Variants in USP15 observed in about 807,000 individuals in gnomAD.
USP15 encodes ubiquitin specific peptidase 15, also known as ubiquitin carboxyl-terminal hydrolase 15.
In USP15, 18 loss-of-function variants were observed where a neutral mutation model predicts 127.1. The ratio of observed to expected loss-of-function variants is 0.14; its 90% CI spans 0.10 to 0.21. USP15 has a LOEUF of 0.21. USP15 is among the 10% of genes least tolerant of loss of function. The pLI is 1.00. For synonymous variants in USP15, 364 were observed against 393.7 expected (o/e 0.92, Z 0.89); for missense variants, 805 against 1,159.9 (o/e 0.69, Z 4.44).
At chr12:62,338,480 A>G (rs1257573571) in intron 6 of USP15, among the ~76,000 whole-genome samples, 1 of 152,020 alleles carries the variant, frequency 6.6e-6, no homozygotes, top group Non-Finnish European at 1.5e-5. Flanking sequence ...CTTTAGTTTG[A>G]TTAGATCCCA....
At chr12:62,265,224 T>C (rs896554008) in intron 1 of USP15, among the ~76,000 whole-genome samples, 1 of 152,214 alleles carries the variant, frequency 6.6e-6, no homozygotes, top group Non-Finnish European at 1.5e-5. Context: ...TTAAATGACC[T>C]TTTTGCAAAA....
chr12:62,405,773 A>C lies in USP15; in HGVS notation c.*1398A>C, dbSNP rs1200868433. 2 of 152,578 alleles carry C rather than the reference A, an allele frequency of 1.3e-5. No homozygotes were observed. The highest frequency in any genetic ancestry group is 2.9e-5 in the Non-Finnish European group (2 of 67,990). The allele number at this position is 152,578 out of a possible 1,614,324, so 9.5% of individuals were successfully genotyped here. ...CACTTGAACTAATCAAATACAATAGATTATAAATTGTGTATTGTAAATAAA... is the reference window on the plus strand; with the variant it reads ...CACTTGAACTAATCAAATACAATAGCTTATAAATTGTGTATTGTAAATAAA... On this transcript the variant is annotated 3_prime_UTR_variant, in exon 22 of 22. Transcript: ENST00000280377.
At chr12:62,273,274 A>G (rs1051634333) in intron 1 of USP15, among the ~76,000 whole-genome samples, 1 of 151,978 alleles carries the variant, frequency 6.6e-6, no homozygotes, top group Non-Finnish European at 1.5e-5. Context: ...GGCCCTCATT[A>G]TATGCTTTCA....
chr12:62,284,707 C>G (rs996343990), intron 1 of USP15, among the ~76,000 whole-genome samples: 3 of 151,912 alleles, frequency 2.0e-5, no homozygotes, highest in African/African-American at 7.3e-5. Context: ...GTGATTGAAC[C>G]TGGTTAAATG....
At chr12:62,402,274 C>G (rs908914646) in intron 21 of USP15, among the ~76,000 whole-genome samples, 2 of 151,866 alleles carry the variant, frequency 1.3e-5, no homozygotes, top group African/African-American at 4.8e-5. Flanking sequence ...ACAAAAGACT[C>G]CATTCTAAAC....
At position 62,343,349 on chromosome 12, in the gene USP15, C is replaced by T. The variant is rs138160429; in HGVS notation, c.684-5872C>T. On this transcript the variant is annotated intron_variant, in intron 6 of 21. Transcript: ENST00000280377. ...CAGTGGTTCCTAGCTTTCTGGGATC[C>T]ATGGGAGTGGGACCCGCTGAGCGAG... 2.1e-3 allele frequency among the ~76,000 whole-genome samples: 319 copies of T among 152,282 alleles called. 3 individuals are homozygous for T. Among genetic ancestry groups the T allele is most frequent in the African/African-American group, 7.3e-3 (305 of 41,558 alleles).
At chr12:62,278,074 T>A (rs2063542543) in intron 1 of USP15, among the ~76,000 whole-genome samples, 1 of 152,218 alleles carries the variant, frequency 6.6e-6, no homozygotes, top group African/African-American at 2.4e-5. Flanking sequence ...AGCTTTTTTC[T>A]ATTTCTAAAT....
At chr12:62,343,507 A>C (rs1343191677) in intron 6 of USP15, among the ~76,000 whole-genome samples, 1 of 152,160 alleles carries the variant, frequency 6.6e-6, no homozygotes, top group Non-Finnish European at 1.5e-5. Context: ...ACAGCCACCC[A>C]GTTTTGTGCT....
chr12:62,393,126 G>A lies in USP15; in HGVS notation c.2494G>A (p.Val832Ile). The A allele has an allele frequency of 6.2e-7, 1 of 1,613,852 alleles. No individual in the cohort carries two copies. Among genetic ancestry groups the A allele is most frequent in the African/African-American group, 1.3e-5 (1 of 75,026 alleles). ...LDLWSLPPVL[V>I]VHLKRFSYSR... ...TTTATGGTCCCTGCCTCCAGTACTT[G>A]TAGTACATCTCAAGCGATTTTCTTA... The change falls in exon 19 of 22, where the codon GTA (valine) becomes ATA (isoleucine). Residue 832 changes from valine to isoleucine, a missense_variant. By Grantham distance (29) the Val-to-Ile change is conservative. Transcript: ENST00000280377.
At chr12:62,286,246 CACAT>C (rs2063781508) in intron 1 of USP15, among the ~76,000 whole-genome samples, 1 of 152,028 alleles carries the variant, frequency 6.6e-6, no homozygotes, top group Non-Finnish European at 1.5e-5. Flanking sequence ...CTCCAAAGAA[CACAT>C]ACAGACAGCC....
At chr12:62,277,532 G>A (rs2063528593) in intron 1 of USP15, 1 of 152,068 alleles carries the variant, frequency 6.6e-6, no homozygotes, top group African/African-American at 2.4e-5. Context: ...TACCATGAAT[G>A]GAGTTTGCAG....
chr12:62,312,003 CACAT>C (rs2064693917), intron 3 of USP15, among the ~76,000 whole-genome samples: 1 of 151,712 alleles, frequency 6.6e-6, no homozygotes, highest in Non-Finnish European at 1.5e-5. Flanking sequence ...GATGGAAAAT[CACAT>C]ACATAGGATT....
At chr12:62,309,064 G>T (rs2064575507) in intron 3 of USP15, among the ~76,000 whole-genome samples, 1 of 152,000 alleles carries the variant, frequency 6.6e-6, no homozygotes, top group South Asian at 2.1e-4. Flanking sequence ...TTGAACTTAA[G>T]AAGAAACATT....
At chr12:62,366,917 A>G (rs1196988572) in intron 8 of USP15, among the ~76,000 whole-genome samples, 1 of 152,184 alleles carries the variant, frequency 6.6e-6, no homozygotes, top group East Asian at 1.9e-4. Context: ...ATCATGGTGG[A>G]TAAGCTTTTT....
rs1407615609 is a variant in USP15, at chr12:62,405,365, A to G, written c.*990A>G. ...TTAATGGACAATTGGCTATAAAGGTAGGTCTGTTAACTTTCTTTGTGTGTT... is the reference window on the plus strand; with the variant it reads ...TTAATGGACAATTGGCTATAAAGGTGGGTCTGTTAACTTTCTTTGTGTGTT... On this transcript the variant is annotated 3_prime_UTR_variant, in exon 22 of 22. Transcript: ENST00000280377. The G allele has an allele frequency of 1.3e-5, 2 of 152,444 alleles. No homozygotes were observed. Among genetic ancestry groups the G allele is most frequent in the Non-Finnish European group, 2.9e-5 (2 of 67,996 alleles). The allele number at this position is 152,444 out of a possible 1,614,324, so 9.4% of individuals were successfully genotyped here. A position where few individuals can be genotyped will look rare whatever the true frequency, so the allele number is the denominator to read the frequency against.
intron 6 of USP15, among the ~76,000 whole-genome samples, chr12:62,341,143 T>C (rs911921436): frequency 1.3e-5 from 2 of 152,230 alleles, no homozygotes; most frequent in African/African-American, 4.8e-5. Context: ...CTTCTTTGTC[T>C]TTTTTGATCT....
At chr12:62,328,881 C>A (rs2065205410) in intron 6 of USP15, among the ~76,000 whole-genome samples, 1 of 152,060 alleles carries the variant, frequency 6.6e-6, no homozygotes, top group African/African-American at 2.4e-5. Context: ...GTATATTTGA[C>A]AACTTGGTAT....
At chr12:62,292,796 C>G (rs536063461) in intron 1 of USP15, among the ~76,000 whole-genome samples, 1 of 152,262 alleles carries the variant, frequency 6.6e-6, no homozygotes, top group African/African-American at 2.4e-5. Flanking sequence ...CCTTTTGGTG[C>G]ACTGCACTTT....
intron 4 of USP15, among the ~76,000 whole-genome samples, chr12:62,315,950 AT>A (rs2064819477): frequency 6.6e-6 from 1 of 152,128 alleles, no homozygotes; most frequent in African/African-American, 2.4e-5. Flanking sequence ...TCCCCTCTTC[AT>A]TTAGCTAGAA....
Sources: gnomAD v4.1 joint callset for allele counts (sites outside exome capture counted in the v4.1 genomes callset) on GRCh38, gnomAD v4.1.1 for gene constraint, MANE v1.5 for transcripts, NCBI Gene and HGNC (gene_info 2026-07-23, HGNC 2026-07-21) for gene names.